Variants in CDH22 observed in about 807,000 individuals in gnomAD.
The protein encoded by CDH22 is cadherin-22.
In CDH22, 30 loss-of-function variants were observed where a neutral mutation model predicts 58.4. That is an observed-to-expected ratio of 0.51 (90% CI 0.38 to 0.70). The LOEUF (loss-of-function observed/expected upper bound fraction) is 0.70. Among genes scored for constraint, CDH22 ranks in the 30% least tolerant of loss-of-function variants. The pLI is 0.00. For synonymous variants in CDH22, 513 were observed against 558.2 expected (o/e 0.92, Z 1.14); for missense variants, 1,014 against 1,233.9 (o/e 0.82, Z 2.67).
chr20:46,238,851 A>C (rs2086271470), intron 3 of CDH22, among the ~76,000 whole-genome samples: 1 of 152,234 alleles, frequency 6.6e-6, no homozygotes. Flanking sequence ...ATTCTTCATG[A>C]AAGAGCCATG....
At position 46,178,586 on chromosome 20, in the gene CDH22, CTTTT is replaced by C. The variant is rs33937889; in HGVS notation, c.1664-393_1664-390del. On this transcript the variant is annotated intron_variant, in intron 10 of 11. Transcript: ENST00000537909. ...GCCAAGGTCCTGTCCCTGGCGTTGT[CTTTT>C]TTTTTTTTTTTTTTTTTGCCATTTG... Among the ~76,000 whole-genome samples, 635 of 95,340 alleles carry C rather than the reference CTTTT, an allele frequency of 6.7e-3. 13 individuals carry two copies. Among genetic ancestry groups the C allele is most frequent in the African/African-American group, 0.024 (584 of 24,006 alleles). The allele number at this position is 95,340 out of a possible 152,430, so 62.5% of individuals were successfully genotyped here.
chr20:46,186,967 GC>G lies in CDH22; in HGVS notation c.1424-21del. ...GATTGTCTGTAATGAGAGCACAGGA[GC>G]AAGGGGAGAGGCATCAAGTGGGAGA... On this transcript the variant is annotated intron_variant, in intron 8 of 11. Coordinates refer to ENST00000537909, the MANE Select transcript of CDH22 (RefSeq NM_021248.3). 1 of 1,553,266 alleles carries G rather than the reference GC, an allele frequency of 6.4e-7. No individual in the cohort carries two copies.
rs990078081 is a variant in CDH22, at chr20:46,300,540, G to T, written c.-400+7715C>A. On this transcript the variant is annotated intron_variant, in intron 1 of 11. Coordinates refer to ENST00000537909, the MANE Select transcript of CDH22 (RefSeq NM_021248.3). The surrounding 1 kb of genome is among the most constrained non-coding windows in gnomAD (Gnocchi z 4.4). Reference sequence around the variant, plus strand: ...CATACACACACACTCCACCTCCCCAGCTCCCCTCCCCTACTCTGCAAGCAC... The same window carrying T: ...CATACACACACACTCCACCTCCCCATCTCCCCTCCCCTACTCTGCAAGCAC... Among the ~76,000 whole-genome samples, 2 of 152,116 alleles carry T rather than the reference G, an allele frequency of 1.3e-5. No homozygotes were observed. The highest frequency in any genetic ancestry group is 2.9e-5 in the Non-Finnish European group (2 of 68,006).
Position 46,178,030 on chromosome 20 carries a change from A to G in CDH22, c.1831T>C (p.Cys611Arg). The G allele has an allele frequency of 6.2e-7, 1 of 1,614,092 alleles. No individual in the cohort carries two copies. The highest frequency in any genetic ancestry group is 8.5e-7 in the Non-Finnish European group (1 of 1,180,002). Residue 611 changes from cysteine to arginine, a missense_variant, in exon 11 of 12, where the codon TGC becomes CGC. Cys to Arg is a radical substitution (Grantham distance 180). Transcript: ENST00000537909. ...GCCATGACAAAGGCCGTGGTGTTGC[A>G]GGACTGGATGGTGCCGGAGCTGTCG... ...GCDSSGTIQSCNTTAFVMAAS... is the reference protein window; with the variant it reads ...GCDSSGTIQSRNTTAFVMAAS...
At chr20:46,254,569 A>C (rs1363772558) in intron 1 of CDH22, among the ~76,000 whole-genome samples, 2 of 151,868 alleles carry the variant, frequency 1.3e-5, no homozygotes, top group African/African-American at 4.8e-5. Flanking sequence ...AAAAAAAAAA[A>C]AAAAAAATTG....
At chr20:46,306,312 T>C (rs2086677468) in intron 1 of CDH22, among the ~76,000 whole-genome samples, 3 of 152,372 alleles carry the variant, frequency 2.0e-5, no homozygotes, top group East Asian at 3.9e-4. Context: ...TAGCTTACCA[T>C]GTGACCTCGG....
intron 7 of CDH22, among the ~76,000 whole-genome samples, chr20:46,206,090 G>T (rs1291503718): frequency 6.6e-6 from 1 of 152,158 alleles, no homozygotes; most frequent in Non-Finnish European, 1.5e-5. Flanking sequence ...TCGTTCACAC[G>T]GGCCAAGCTT....
intron 3 of CDH22, among the ~76,000 whole-genome samples, chr20:46,237,108 T>C (rs939351095): frequency 1.3e-5 from 2 of 152,246 alleles, no homozygotes; most frequent in African/African-American, 4.8e-5. Context: ...AAACAGTGCC[T>C]GGCACATAGC....
intron 10 of CDH22, among the ~76,000 whole-genome samples, chr20:46,178,419 C>T (rs566075753): frequency 4.9e-4 from 74 of 152,130 alleles, no homozygotes; most frequent in Non-Finnish European, 9.3e-4. Context: ...AAAGTCTACC[C>T]TCAGCTGCCC....
chr20:46,242,388 G>A (rs937614707), intron 2 of CDH22, among the ~76,000 whole-genome samples: 4 of 152,160 alleles, frequency 2.6e-5, no homozygotes, highest in Admixed American at 6.5e-5. Context: ...CTCTGACATC[G>A]CCTCCCTGTG....
At position 46,241,652 on chromosome 20, in the gene CDH22, G is replaced by A. The variant is rs145431688; in HGVS notation, c.256-395C>T. Among the ~76,000 whole-genome samples the A allele has an allele frequency of 1.1e-3, 175 of 152,248 alleles. 2 individuals carry two copies. Among genetic ancestry groups the A allele is most frequent in the African/African-American group, 4.1e-3 (171 of 41,530 alleles). ...GGCTTCTGCCTTGAGCCCTGTCCTT[G>A]TTTCTCTGCCCATGGAAAGTCTCTC... On this transcript the variant is annotated intron_variant, in intron 2 of 11. Coordinates refer to ENST00000537909, the MANE Select transcript of CDH22 (RefSeq NM_021248.3). The surrounding 1 kb of genome is among the most constrained non-coding windows in gnomAD (Gnocchi z 5.2).
At chr20:46,202,439 C>T (rs796630413) in intron 7 of CDH22, among the ~76,000 whole-genome samples, 17 of 151,718 alleles carry the variant, frequency 1.1e-4, no homozygotes, top group Non-Finnish European at 8.8e-5. Flanking sequence ...CTGCAAGCTC[C>T]GCCTCCTGGG....
Position 46,174,515 on chromosome 20 carries a change from C to T in CDH22, c.2478G>A (p.Gln826=), listed in dbSNP as rs780459936. The T allele has an allele frequency of 4.6e-6, 7 of 1,512,960 alleles. No homozygotes were observed. Among genetic ancestry groups the T allele is most frequent in the South Asian group, 2.5e-5 (2 of 81,520 alleles). The allele number at this position is 1,512,960 out of a possible 1,614,324, so 93.7% of individuals were successfully genotyped here. ...ACGGCAGGGCGAGGGGCTAGGAGGC[C>T]TGGGCCTCGTCGTCCCCGCGGTGGC... ...YAGHRGDDEA[Q]AS is the part of the protein sequence containing the mutation. The change falls in exon 12 of 12, where the codon CAG becomes CAA. Residue 826 remains glutamine, a synonymous_variant. Coordinates refer to ENST00000537909, the MANE Select transcript of CDH22 (RefSeq NM_021248.3). This position sits in a 1 kb window ranked among gnomAD's most constrained non-coding sequence, Gnocchi z 4.4.
chr20:46,306,450 A>G (rs1304272602), intron 1 of CDH22, among the ~76,000 whole-genome samples: 1 of 152,274 alleles, frequency 6.6e-6, no homozygotes, highest in African/African-American at 2.4e-5. Flanking sequence ...CCCAAGAGGT[A>G]CAGGTGCCCC....
intron 2 of CDH22, among the ~76,000 whole-genome samples, chr20:46,242,477 C>T (rs1418041672): frequency 6.6e-6 from 1 of 152,218 alleles, no homozygotes; most frequent in Non-Finnish European, 1.5e-5. Flanking sequence ...CATTTTCCTC[C>T]CAGAGGTACT....
intron 7 of CDH22, among the ~76,000 whole-genome samples, chr20:46,202,355 A>AT (rs3082933): frequency 0.13 from 18,131 of 141,658 alleles, 2,426 homozygotes; most frequent in African/African-American, 0.34. Flanking sequence ...CCAGAGTTTA[A>AT]TTTTTTTTTT....
rs760620139 is a variant in CDH22, at chr20:46,186,712, G to A, written c.1546-7C>T. ...CGCTGATGGTCTGGATGAGCTGAAG[G>A]GTGAGGAGGGGATAGAGGGCTAGTG... On this transcript the variant is annotated splice_polypyrimidine_tract_variant and splice_region_variant and intron_variant, in intron 9 of 11. Transcript: ENST00000537909. The A allele has an allele frequency of 6.2e-7, 1 of 1,612,932 alleles. No individual in the cohort carries two copies. The highest frequency in any genetic ancestry group is 8.5e-7 in the Non-Finnish European group (1 of 1,179,206).
In CDH22 at chr20:46,308,086, G is replaced by A. The variant is rs1206777629; in HGVS notation, c.-400+169C>T. ...TCCCCGCCCTCCCGGCCGAGAGGAG[G>A]GGGCGCGCAGGGCCGGGCGCAGGCA... On this transcript the variant is annotated intron_variant, in intron 1 of 11. Coordinates refer to ENST00000537909, the MANE Select transcript of CDH22 (RefSeq NM_021248.3). The surrounding 1 kb of genome is among the most constrained non-coding windows in gnomAD (Gnocchi z 4.3). 6.6e-6 allele frequency among the ~76,000 whole-genome samples: 1 copy of A among 151,434 alleles called. No homozygotes were observed. The highest frequency in any genetic ancestry group is 1.5e-5 in the Non-Finnish European group (1 of 67,782).
At chr20:46,183,243 C>T (rs1340463724) in intron 10 of CDH22, among the ~76,000 whole-genome samples, 2 of 152,092 alleles carry the variant, frequency 1.3e-5, no homozygotes, top group Non-Finnish European at 2.9e-5. Flanking sequence ...CCAAATCTCT[C>T]CCTGCTGCCT....
Sources: allele counts gnomAD v4.1 joint callset (sites outside exome capture counted in the v4.1 genomes callset), GRCh38; gene constraint gnomAD v4.1.1; non-coding constraint Gnocchi (gnomAD v3.1); transcripts MANE v1.5; gene names NCBI Gene and HGNC (gene_info 2026-07-23, HGNC 2026-07-21).